FAM222B: variants seen among roughly 807,000 people sequenced by gnomAD.
FAM222B encodes family with sequence similarity 222 member B.
FAM222B carries 12 observed loss-of-function variants against 38.0 expected under a neutral mutation model. That is an observed-to-expected ratio of 0.32 (90% CI 0.20 to 0.51). The LOEUF (loss-of-function observed/expected upper bound fraction) is 0.51, where lower values mean the gene tolerates loss of function less well. Among genes scored for constraint, FAM222B ranks in the 20% least tolerant of loss-of-function variants. The pLI is 0.97. For synonymous variants in FAM222B, 329 were observed against 317.2 expected (o/e 1.04, Z -0.40); for missense variants, 716 against 754.2 (o/e 0.95, Z 0.59).
chr17:28,822,434 G>A (rs1316552073), intron 1 of FAM222B, among the ~76,000 whole-genome samples: 1 of 146,514 alleles, frequency 6.8e-6, no homozygotes, highest in Non-Finnish European at 1.5e-5. Flanking sequence ...GACCAGCCTG[G>A]CCAACATGGT....
At chr17:28,809,801 C>T (rs2151921368) in intron 1 of FAM222B, among the ~76,000 whole-genome samples, 1 of 152,096 alleles carries the variant, frequency 6.6e-6, no homozygotes, top group South Asian at 2.1e-4. Flanking sequence ...GAGCCAGACC[C>T]TATTCTCTAC....
chr17:28,785,503 G>A (rs1476258649), intron 1 of FAM222B, among the ~76,000 whole-genome samples: 2 of 152,064 alleles, frequency 1.3e-5, no homozygotes, highest in African/African-American at 4.8e-5. Flanking sequence ...ACAATTCTAA[G>A]CCGTGGTTTT....
chr17:28,798,972 G>GTTTTTTTTT (rs371016664), intron 1 of FAM222B, among the ~76,000 whole-genome samples: 1 of 148,738 alleles, frequency 6.7e-6, no homozygotes. Flanking sequence ...ATGGAATCCT[G>GTTTTTTTTT]TTGTTTTTTT....
At chr17:28,823,875 A>ATTT (rs367743538) in intron 1 of FAM222B, among the ~76,000 whole-genome samples, 50 of 134,062 alleles carry the variant, frequency 3.7e-4, no homozygotes, top group Admixed American at 1.0e-3. Flanking sequence ...CCAAAAGAGA[A>ATTT]TTTTTTTTTT....
At chr17:28,830,372 G>A (rs2038624719) in intron 1 of FAM222B, among the ~76,000 whole-genome samples, 1 of 151,382 alleles carries the variant, frequency 6.6e-6, no homozygotes. Context: ...GTGTTAGCCG[G>A]GATGGTCTTG....
At position 28,797,064 on chromosome 17, in the gene FAM222B, G is replaced by A. The variant is rs189812475; in HGVS notation, c.-40-30357C>T. Among the ~76,000 whole-genome samples the A allele has an allele frequency of 1.6e-3, 229 of 142,490 alleles. 2 individuals carry two copies. Among genetic ancestry groups the A allele is most frequent in the African/African-American group, 5.3e-3 (203 of 38,152 alleles). 93.5% of individuals were successfully genotyped at this position (142,490 alleles called of 152,430 possible). ...GTCACCCAGGCTAGAGTACAATGGTGCGATCTCAGCTCACTGCAACCTTCC... is the reference window on the plus strand; with the variant it reads ...GTCACCCAGGCTAGAGTACAATGGTACGATCTCAGCTCACTGCAACCTTCC... On this transcript the variant is annotated intron_variant, in intron 1 of 2. Transcript: ENST00000581407.
rs1214722466 is a variant in FAM222B at position 28,758,625 on chromosome 17, G to C, written c.1334C>G (p.Pro445Arg). 1 of 1,611,772 alleles carries C rather than the reference G, an allele frequency of 6.2e-7. No homozygotes were observed. The highest frequency in any genetic ancestry group is 8.5e-7 in the Non-Finnish European group (1 of 1,179,810). ...CAGGGGTTGGAAGTAGTGACCATTG[G>C]GGTAGGCCAATGGGGCTGCCATGCC... ...VNGMAAPLAYPNGHYFQPLWN... is the reference protein window; with the variant it reads ...VNGMAAPLAYRNGHYFQPLWN... The change falls in exon 3 of 3, where the codon CCC (proline) becomes CGC (arginine). Residue 445 changes from proline (P) to arginine (R), a missense_variant. Transcript: ENST00000581407.
At position 28,759,962 on chromosome 17, in the gene FAM222B, T is replaced by C. The variant is rs879023578; in HGVS notation, c.83-86A>G. 1 of 1,302,598 alleles carries C rather than the reference T, an allele frequency of 7.7e-7. No individual in the cohort carries two copies. The highest frequency in any genetic ancestry group is 2.6e-5 in the East Asian group (1 of 37,844). 80.7% of individuals were successfully genotyped at this position (1,302,598 alleles called of 1,614,324 possible). ...AAACAGCCCTTCCAGATTCCCCTTT[T>C]GAGGGCCTGGGGTGGGGTGGGGAAA... On this transcript the variant is annotated intron_variant, in intron 2 of 2. Coordinates refer to ENST00000581407, the MANE Select transcript of FAM222B (RefSeq NM_001077498.3). The surrounding 1 kb of genome is among the most constrained non-coding windows in gnomAD (Gnocchi z 4.8).
chr17:28,837,764 C>T lies in FAM222B; in HGVS notation c.-41+4918G>A, dbSNP rs924915138. On this transcript the variant is annotated intron_variant, in intron 1 of 2. Coordinates refer to ENST00000581407, the MANE Select transcript of FAM222B (RefSeq NM_001077498.3). ...ACCTCCTGGATTCAAGCGATTCTCC[C>T]GCCTCAGTCTCCTAAGTAACTGGGA... 1.1e-4 allele frequency among the ~76,000 whole-genome samples: 16 copies of T among 151,974 alleles called. No homozygotes were observed. The East Asian group carries it at 2.4e-3, about 23-fold the overall frequency.
At chr17:28,766,533 G>A (rs2035336991) in intron 2 of FAM222B, 53 bp downstream of exon 2, 3 of 1,473,416 alleles carry the variant, frequency 2.0e-6, no homozygotes, top group African/African-American at 1.4e-5. Flanking sequence ...CGGCCCAAAT[G>A]TAGAGACAAA....
intron 1 of FAM222B, among the ~76,000 whole-genome samples, chr17:28,769,303 C>T (rs1232412144): frequency 2.6e-5 from 4 of 151,698 alleles, no homozygotes; most frequent in Non-Finnish European, 5.9e-5. Flanking sequence ...CTCAGCCTCC[C>T]GAGTAGCTGG....
Position 28,830,829 on chromosome 17 carries a change from A to T in FAM222B, c.-41+11853T>A, listed in dbSNP as rs143997303. ...GGCAAAACCCCATCTCTATTAAAAAAAAAATAAAATAAAATAAAGTTAAAA... is the reference window on the plus strand; with the variant it reads ...GGCAAAACCCCATCTCTATTAAAAATAAAATAAAATAAAATAAAGTTAAAA... On this transcript the variant is annotated intron_variant, in intron 1 of 2. Coordinates refer to ENST00000581407, the MANE Select transcript of FAM222B (RefSeq NM_001077498.3). 5.0e-3 allele frequency among the ~76,000 whole-genome samples: 757 copies of T among 151,524 alleles called. 3 individuals carry two copies. The highest frequency in any genetic ancestry group is 6.5e-3 in the Non-Finnish European group (441 of 67,888).
At chr17:28,792,640 G>A (rs2036751604) in intron 1 of FAM222B, among the ~76,000 whole-genome samples, 1 of 151,994 alleles carries the variant, frequency 6.6e-6, no homozygotes, top group Non-Finnish European at 1.5e-5. Flanking sequence ...AATTAGCCAG[G>A]TGTGGTGGCA....
intron 1 of FAM222B, chr17:28,802,962 G>C (rs915497309): frequency 4.6e-5 from 7 of 151,870 alleles, no homozygotes; most frequent in African/African-American, 1.5e-4. Context: ...GTATTGCCCA[G>C]TGTTAGAAAA....
At chr17:28,769,791 C>CGA (rs1567804608) in intron 1 of FAM222B, among the ~76,000 whole-genome samples, 4 of 152,186 alleles carry the variant, frequency 2.6e-5, no homozygotes, top group Non-Finnish European at 5.9e-5. Context: ...ACCATGGTTT[C>CGA]CCTGCAGTTC....
chr17:28,807,818 CA>C (rs1718698042), intron 1 of FAM222B, among the ~76,000 whole-genome samples: 2 of 152,050 alleles, frequency 1.3e-5, no homozygotes, highest in African/African-American at 4.8e-5. Context: ...ACATATAGAA[CA>C]AAGTTTAAAG....
chr17:28,838,967 G>A (rs1159025259), intron 1 of FAM222B, among the ~76,000 whole-genome samples: 3 of 152,104 alleles, frequency 2.0e-5, no homozygotes, highest in Non-Finnish European at 4.4e-5. Context: ...CACTTTGGGA[G>A]GCTGAGTCGG....
At chr17:28,829,222 T>C (rs2038562602) in intron 1 of FAM222B, among the ~76,000 whole-genome samples, 1 of 148,338 alleles carries the variant, frequency 6.7e-6, no homozygotes, top group South Asian at 2.1e-4. Context: ...TCTACTCTTT[T>C]TTTTTTTTTG....
intron 1 of FAM222B, among the ~76,000 whole-genome samples, chr17:28,780,790 G>C (rs538514495): frequency 9.9e-5 from 15 of 152,012 alleles, no homozygotes; most frequent in Non-Finnish European, 1.6e-4. Flanking sequence ...GCTGCAGCAG[G>C]AGAATCGCCT....
Sources: allele counts gnomAD v4.1 joint callset (sites outside exome capture counted in the v4.1 genomes callset), GRCh38; gene constraint gnomAD v4.1.1; non-coding constraint Gnocchi (gnomAD v3.1); transcripts MANE v1.5; gene names NCBI Gene and HGNC (gene_info 2026-07-23, HGNC 2026-07-21).